The following ACACB variants were observed in gnomAD, a reference collection of about 807,000 sequenced individuals.
The protein encoded by ACACB is acetyl-CoA carboxylase 2.
In ACACB, 209 loss-of-function variants were observed where a neutral mutation model predicts 278.8. That is an observed-to-expected ratio of 0.75 (90% CI 0.67 to 0.84). ACACB has a LOEUF of 0.84. Ranked by LOEUF, ACACB falls within the 40% of genes least tolerant of loss-of-function variation. The pLI, the probability that ACACB is intolerant of heterozygous loss-of-function variation, is 0.00. For missense variants in ACACB, 2,850 were observed against 3,269.0 expected (o/e 0.87, Z 3.13); for synonymous variants, 1,174 against 1,285.6 (o/e 0.91, Z 1.86).
At chr12:109,215,298 C>G (rs1366443765) in intron 22 of ACACB, among the ~76,000 whole-genome samples, 1 of 150,386 alleles carries the variant, frequency 6.6e-6, no homozygotes, top group African/African-American at 2.4e-5. Context: ...TTTCTTAACT[C>G]TGTGGCCAGA....
At chr12:109,263,932 C>T (rs1399092772) in intron 49 of ACACB, 4 of 299,510 alleles carry the variant, frequency 1.3e-5, no homozygotes, top group Non-Finnish European at 2.5e-5. Context: ...ATGTTGAATG[C>T]TGTCTTGCAA....
intron 2 of ACACB, among the ~76,000 whole-genome samples, chr12:109,151,469 C>G (rs931654724): frequency 3.3e-5 from 5 of 151,928 alleles, no homozygotes; most frequent in African/African-American, 9.7e-5. Context: ...CAGTCCCCCC[C>G]ACCCCATATA....
chr12:109,201,490 C>T, intron 18 of ACACB, 77 bp from the exon 19 acceptor site: 11 of 1,568,710 alleles, frequency 7.0e-6, no homozygotes, highest in Non-Finnish European at 8.7e-7. Flanking sequence ...CGTCCCTGCT[C>T]CGGCATCACT....
chr12:109,242,814 A>C, intron 37 of ACACB: 1 of 505,834 alleles, frequency 2.0e-6, no homozygotes, highest in Non-Finnish European at 3.4e-6. Context: ...AAATATACAA[A>C]AATTAACCGG....
chr12:109,245,606 C>G lies in ACACB; in HGVS notation c.5179-20C>G. Reference sequence around the variant, plus strand: ...CTACTGATGACTTCAAGTTTTTTCTCTTTCCTCTTCTCTCCCCAGGCTCTC... The same window carrying G: ...CTACTGATGACTTCAAGTTTTTTCTGTTTCCTCTTCTCTCCCCAGGCTCTC... On this transcript the variant is annotated intron_variant, in intron 37 of 52. Transcript: ENST00000338432. 6.2e-7 allele frequency: 1 copy of G among 1,607,092 alleles called. No individual in the cohort carries two copies. The highest frequency in any genetic ancestry group is 8.5e-7 in the Non-Finnish European group (1 of 1,178,040).
intron 21 of ACACB, among the ~76,000 whole-genome samples, chr12:109,210,421 A>C (rs201457794): frequency 7.8e-6 from 1 of 127,500 alleles, no homozygotes; most frequent in Non-Finnish European, 1.6e-5. Flanking sequence ...ACATGTGTAT[A>C]TATGTATATA....
chr12:109,203,637 G>A (rs867847904), intron 19 of ACACB, among the ~76,000 whole-genome samples: 5 of 152,258 alleles, frequency 3.3e-5, no homozygotes, highest in African/African-American at 4.8e-5. Context: ...TTGGATGAAC[G>A]TGTAGCAGGC....
chr12:109,242,491 A>G lies in ACACB; in HGVS notation c.5077A>G (p.Asn1693Asp), dbSNP rs143004298. 5.0e-6 allele frequency: 8 copies of G among 1,614,010 alleles called. No individual in the cohort carries two copies. The African/African-American group carries it at 1.1e-4, about 22-fold the overall frequency. Residue 1693 changes from asparagine to aspartate, a missense_variant, in exon 37 of 53, where the codon AAT (asparagine) becomes GAT (aspartate). Around this residue, in one of 3 missense-constraint regions of ACACB, gnomAD observed 2,265 missense variants for 2,561.3 expected, o/e 0.88. Coordinates refer to ENST00000338432, the MANE Select transcript of ACACB (RefSeq NM_001093.4). Reference protein sequence around the residue: ...KQGPQHGMLINTPYVTKDLLQ... With the variant: ...KQGPQHGMLIDTPYVTKDLLQ... ...AGGGCCCCAGCACGGGATGCTGATCAATACTCCCTACGTCACCAAGGATCT... is the reference window on the plus strand; with the variant it reads ...AGGGCCCCAGCACGGGATGCTGATCGATACTCCCTACGTCACCAAGGATCT...
At chr12:109,262,321 C>T in intron 48 of ACACB, 36 bp from the exon 49 acceptor site, 1 of 1,555,896 alleles carries the variant, frequency 6.4e-7, no homozygotes. Flanking sequence ...TGGGCAATGC[C>T]TCATATACCC....
At chr12:109,229,561 A>G in intron 28 of ACACB, among the ~76,000 whole-genome samples, 1 of 151,446 alleles carries the variant, frequency 6.6e-6, no homozygotes, top group East Asian at 1.9e-4. Flanking sequence ...ATGGAGTCTC[A>G]CTCTGTCACC....
intron 2 of ACACB, among the ~76,000 whole-genome samples, chr12:109,158,807 T>G (rs2043626308): frequency 6.6e-6 from 1 of 151,904 alleles, no homozygotes; most frequent in Non-Finnish European, 1.5e-5. Flanking sequence ...AAACCCTGTC[T>G]CTAATAAAAA....
chr12:109,218,257 A>T (rs2046060326), intron 24 of ACACB, among the ~76,000 whole-genome samples: 1 of 152,154 alleles, frequency 6.6e-6, no homozygotes, highest in South Asian at 2.1e-4. Flanking sequence ...GCTGGAGTGC[A>T]GTGGTGCCAT....
At chr12:109,189,684 C>T (rs2136272796) in intron 13 of ACACB, among the ~76,000 whole-genome samples, 2 of 152,310 alleles carry the variant, frequency 1.3e-5, no homozygotes, top group South Asian at 4.1e-4. Context: ...CTTCCAGACC[C>T]ACAGCTGACT....
Position 109,188,078 on chromosome 12 carries a change from C to A in ACACB, c.2060C>A (p.Ala687Asp), listed in dbSNP as rs1283180486. The change falls in exon 13 of 53, where the codon GCC (alanine) becomes GAC (aspartate). Residue 687 changes from alanine to aspartate, a missense_variant. Physicochemically the swap from Ala to Asp is moderately radical, Grantham distance 126. Coordinates refer to ENST00000338432, the MANE Select transcript of ACACB (RefSeq NM_001093.4). ...SKNVWGYFSV[A>D]ATGGLHEFAD... ...AACGTGTGGGGTTACTTCAGCGTGG[C>A]CGCTACTGGAGGCCTGCACGAGTTT... is the stretch of plus-strand genomic sequence containing the variant. 6.2e-7 allele frequency: 1 copy of A among 1,613,720 alleles called. No individual in the cohort carries two copies. The highest frequency in any genetic ancestry group is 8.5e-7 in the Non-Finnish European group (1 of 1,179,648).
intron 2 of ACACB, among the ~76,000 whole-genome samples, chr12:109,156,771 G>A (rs1197418093): frequency 3.9e-5 from 6 of 152,084 alleles, no homozygotes; most frequent in African/African-American, 1.4e-4. Flanking sequence ...AAAAATGGTT[G>A]GAAACCGTGA....
rs768750072 is a variant in ACACB, at chr12:109,166,968, T to C, written c.761T>C (p.Phe254Ser). 2 of 1,613,576 alleles carry C rather than the reference T, an allele frequency of 1.2e-6. No homozygotes were observed. Among genetic ancestry groups the C allele is most frequent in the East Asian group, 4.5e-5 (2 of 44,808 alleles). ...TCTCCCGCTGAGTTTGTCACACGCT[T>C]TGGGGGGGATCGGGTCATCGAGAAG... is the stretch of plus-strand genomic sequence containing the variant. ...VASPAEFVTRFGGDRVIEKVL... is the reference protein window; with the variant it reads ...VASPAEFVTRSGGDRVIEKVL... Residue 254 changes from phenylalanine to serine, a missense_variant, in exon 3 of 53, where the codon TTT becomes TCT. Coordinates refer to ENST00000338432, the MANE Select transcript of ACACB (RefSeq NM_001093.4).
chr12:109,219,821 AT>A (rs1268338271), intron 24 of ACACB, among the ~76,000 whole-genome samples: 1 of 152,244 alleles, frequency 6.6e-6, no homozygotes, highest in African/African-American at 2.4e-5. Flanking sequence ...GTAAAAATTA[AT>A]TGGGAGAGAG....
chr12:109,159,622 G>T (rs906047208), intron 2 of ACACB, among the ~76,000 whole-genome samples: 2 of 152,120 alleles, frequency 1.3e-5, no homozygotes, highest in Non-Finnish European at 2.9e-5. Context: ...TCTAAACTGC[G>T]GCTCTGTTGA....
chr12:109,164,344 T>G (rs1185365409), intron 2 of ACACB, among the ~76,000 whole-genome samples: 1 of 151,700 alleles, frequency 6.6e-6, no homozygotes, highest in Non-Finnish European at 1.5e-5. Flanking sequence ...GCAATTCTCC[T>G]GCCTCAGTCT....
Sources: gnomAD v4.1 joint callset for allele counts (sites outside exome capture counted in the v4.1 genomes callset) on GRCh38, gnomAD v4.1.1 for gene constraint, gnomAD v4.1.1 regional missense constraint, MANE v1.5 for transcripts, NCBI Gene and HGNC (gene_info 2026-07-23, HGNC 2026-07-21) for gene names.